Variants in JMJD1C observed in about 807,000 individuals in gnomAD.
JMJD1C encodes jumonji domain containing 1C, also known as jumonji domain-containing protein 1C.
JMJD1C carries 31 observed loss-of-function variants against 245.3 expected under a neutral mutation model. The observed-to-expected ratio is 0.13, with a 90% CI of 0.09 to 0.17. JMJD1C has a LOEUF of 0.17. JMJD1C is among the 10% of genes least tolerant of loss of function. JMJD1C has a pLI of 1.00. For synonymous variants in JMJD1C, 1,057 were observed against 1,017.4 expected (o/e 1.04, Z -0.74); for missense variants, 2,691 against 3,000.2 (o/e 0.90, Z 2.41).
chr10:63,184,480 G>T, intron 21 of JMJD1C, 128 bp downstream of exon 21: 1 of 748,168 alleles, frequency 1.3e-6, no homozygotes, highest in Non-Finnish European at 2.1e-6. Context: ...CTGACCTCGT[G>T]ATTCACCCGC....
At chr10:63,419,398 T>A (rs10761761) in intron 1 of JMJD1C, among the ~76,000 whole-genome samples, 99,303 of 150,930 alleles carry the variant, frequency 0.66, 35,537 homozygotes, top group Non-Finnish European at 0.81. Flanking sequence ...AAAAAAAATA[T>A]ATATATAGAT....
chr10:63,287,925 T>C (rs1858180041), intron 2 of JMJD1C, among the ~76,000 whole-genome samples: 1 of 152,134 alleles, frequency 6.6e-6, no homozygotes, highest in South Asian at 2.1e-4. Context: ...TTTTGTGTTT[T>C]CAGTAGAGAC....
chr10:63,473,702 G>C (rs1053432567), intron 1 of JMJD1C, among the ~76,000 whole-genome samples: 6 of 152,138 alleles, frequency 3.9e-5, no homozygotes, highest in African/African-American at 1.4e-4. Flanking sequence ...ATGTATATCT[G>C]GTAAATTATG....
At chr10:63,390,401 A>C (rs553056446) in intron 1 of JMJD1C, among the ~76,000 whole-genome samples, 2 of 152,274 alleles carry the variant, frequency 1.3e-5, no homozygotes, top group East Asian at 1.9e-4. Flanking sequence ...TCTCCCAAAA[A>C]AGAAGAGTTC....
intron 3 of JMJD1C, among the ~76,000 whole-genome samples, chr10:63,248,366 C>T (rs1852536500): frequency 1.3e-5 from 2 of 150,128 alleles, no homozygotes; most frequent in Admixed American, 6.6e-5. Flanking sequence ...ACTAAAAATA[C>T]AAAAATTAGC....
intron 1 of JMJD1C, among the ~76,000 whole-genome samples, chr10:63,463,225 C>T (rs1952921593): frequency 6.6e-6 from 1 of 152,134 alleles, no homozygotes; most frequent in African/African-American, 2.4e-5. Flanking sequence ...AGTGCAGTGG[C>T]ATAATCTTGG....
chr10:63,178,742 T>G (rs918808885), intron 22 of JMJD1C, among the ~76,000 whole-genome samples: 1 of 152,224 alleles, frequency 6.6e-6, no homozygotes, highest in African/African-American at 2.4e-5. Context: ...TTCTAAAATG[T>G]TGACAAACTA....
At chr10:63,447,995 A>AAT (rs934408595) in intron 1 of JMJD1C, among the ~76,000 whole-genome samples, 6 of 152,032 alleles carry the variant, frequency 3.9e-5, no homozygotes, top group Non-Finnish European at 8.8e-5. Context: ...AACAAAGTCT[A>AAT]ATAAAGTATT....
intron 3 of JMJD1C, among the ~76,000 whole-genome samples, chr10:63,252,123 T>G (rs1459709210): frequency 6.6e-6 from 1 of 152,230 alleles, no homozygotes; most frequent in Admixed American, 6.5e-5. Context: ...GGGATATCCA[T>G]TAATGAATGA....
intron 2 of JMJD1C, among the ~76,000 whole-genome samples, chr10:63,331,952 T>C (rs1942199052): frequency 6.6e-6 from 1 of 152,158 alleles, no homozygotes; most frequent in Admixed American, 6.6e-5. Context: ...GATTACTGTA[T>C]ATTCCCAGGG....
chr10:63,327,232 G>C lies in JMJD1C; in HGVS notation c.333+53086C>G, dbSNP rs560185368. On this transcript the variant is annotated intron_variant, in intron 2 of 25. Transcript: ENST00000399262. ...CAGGACAGCCTACAATCTGAAAAGG[G>C]GCAAGTGTTATGAGAACACAATAAT... Among the ~76,000 whole-genome samples, 3 of 152,056 alleles carry C rather than the reference G, an allele frequency of 2.0e-5. No individual in the cohort carries two copies. The East Asian group carries it at 5.8e-4, about 29-fold the overall frequency.
chr10:63,413,489 T>C (rs1045889494), intron 1 of JMJD1C, among the ~76,000 whole-genome samples: 1 of 152,064 alleles, frequency 6.6e-6, no homozygotes, highest in South Asian at 2.1e-4. Context: ...TGGAGGAAAA[T>C]TGTGGGCAAC....
At chr10:63,433,585 T>C (rs1950898983) in intron 1 of JMJD1C, among the ~76,000 whole-genome samples, 1 of 137,242 alleles carries the variant, frequency 7.3e-6, no homozygotes, top group Non-Finnish European at 1.6e-5. Flanking sequence ...TCTTTTCTTT[T>C]CTTTTTTTTT....
At chr10:63,474,760 T>C (rs1213903140) in intron 1 of JMJD1C, among the ~76,000 whole-genome samples, 4 of 152,032 alleles carry the variant, frequency 2.6e-5, no homozygotes, top group Non-Finnish European at 5.9e-5. Flanking sequence ...CAAAACAATT[T>C]GTTAAACAGA....
At chr10:63,356,230 G>A (rs938337966) in intron 2 of JMJD1C, among the ~76,000 whole-genome samples, 4 of 152,166 alleles carry the variant, frequency 2.6e-5, no homozygotes, top group African/African-American at 9.6e-5. Context: ...CTACAAAGTA[G>A]AAGACAAACT....
rs1441097239 is a variant in JMJD1C at position 63,329,244 on chromosome 10, TG to T, written c.333+51073del. On this transcript the variant is annotated intron_variant, in intron 2 of 25. Coordinates refer to ENST00000399262, the MANE Select transcript of JMJD1C (RefSeq NM_032776.3). ...CTGTAGTAAGCCATGATCGAGCCACTGAACTCCAGCCTAGGCAACAGGGAGA... is the reference window on the plus strand; with the variant it reads ...CTGTAGTAAGCCATGATCGAGCCACTAACTCCAGCCTAGGCAACAGGGAGA... 8.0e-5 allele frequency among the ~76,000 whole-genome samples: 12 copies of T among 149,856 alleles called. No homozygotes were observed. In the Admixed American group the frequency reaches 8.0e-4, roughly 10 times the overall value.
chr10:63,458,881 G>T (rs1057163061), intron 1 of JMJD1C, among the ~76,000 whole-genome samples: 6 of 151,898 alleles, frequency 4.0e-5, no homozygotes, highest in Admixed American at 2.0e-4. Flanking sequence ...ACACCACCAC[G>T]CCTGGCTACT....
At position 63,219,952 on chromosome 10, in the gene JMJD1C, C is replaced by T; in HGVS notation, c.479G>A (p.Arg160Lys). 1 of 1,613,570 alleles carries T rather than the reference C, an allele frequency of 6.2e-7. No individual in the cohort carries two copies. The highest frequency in any genetic ancestry group is 8.5e-7 in the Non-Finnish European group (1 of 1,179,598). The change falls in exon 4 of 26, where the codon AGG (arginine) becomes AAG (lysine). Residue 160 changes from arginine (R) to lysine (K), a missense_variant. Physicochemically the swap from Arg to Lys is conservative, Grantham distance 26. Around this residue, in one of 9 missense-constraint regions of JMJD1C, gnomAD observed 172 missense variants for 240.8 expected, o/e 0.71. Coordinates refer to ENST00000399262, the MANE Select transcript of JMJD1C (RefSeq NM_032776.3). ...DDIDSLNPVLRDNPQLHEEVK... is the reference protein window; with the variant it reads ...DDIDSLNPVLKDNPQLHEEVK... ...TTCCTCATGAAGCTGCGGGTTGTCC[C>T]TGAGAACTGGGTTTAGGCTGTCTAT... is the stretch of plus-strand genomic sequence containing the variant.
chr10:63,185,376 C>T (rs1487323407), intron 20 of JMJD1C, among the ~76,000 whole-genome samples, 187 bp downstream of exon 20: 1 of 152,218 alleles, frequency 6.6e-6, no homozygotes, highest in African/African-American at 2.4e-5. Flanking sequence ...CAGCGATCCC[C>T]TCGCCTTGGC....
Sources: allele counts gnomAD v4.1 joint callset (sites outside exome capture counted in the v4.1 genomes callset), GRCh38; gene constraint gnomAD v4.1.1; regional missense constraint gnomAD v4.1.1; transcripts MANE v1.5; gene names NCBI Gene and HGNC (gene_info 2026-07-23, HGNC 2026-07-21).